CALN1: variants seen among roughly 807,000 people sequenced by gnomAD.
The protein encoded by CALN1 is calneuron 1.
In CALN1, 17 loss-of-function variants were observed where a neutral mutation model predicts 30.6. That is an observed-to-expected ratio of 0.56 (90% CI 0.38 to 0.83). The LOEUF (loss-of-function observed/expected upper bound fraction) is 0.83. Among genes scored for constraint, CALN1 ranks in the 40% least tolerant of loss-of-function variants. CALN1 has a pLI of 0.00. For missense variants in CALN1, 291 were observed against 354.9 expected, an observed-to-expected ratio of 0.82 and a Z score of 1.45; for synonymous variants, 156 against 131.4, an observed-to-expected ratio of 1.19 and a Z score of -1.28.
the CALN1 span, among the ~76,000 whole-genome samples, chr7:72,487,834 AAG>A: frequency 4.5e-5 from 6 of 133,082 alleles, no homozygotes; most frequent in Admixed American, 7.7e-5. Flanking sequence ...AAAAGAAAGA[AAG>A]AGAGAAAGAA....
chr7:72,241,429 G>A (rs1049899644), intron 3 of CALN1, among the ~76,000 whole-genome samples: 2 of 152,014 alleles, frequency 1.3e-5, no homozygotes, highest in Non-Finnish European at 2.9e-5. Flanking sequence ...GGTTCAGACC[G>A]GGTGCAGGGG....
intron 6 of CALN1, among the ~76,000 whole-genome samples, chr7:71,804,503 CTTTAT>C (rs1787491439): frequency 6.6e-6 from 1 of 152,102 alleles, no homozygotes; most frequent in East Asian, 1.9e-4. Context: ...GCAGGACTCT[CTTTAT>C]TTTATTAAAA....
At chr7:72,041,286 TG>T (rs1479953270) in intron 4 of CALN1, among the ~76,000 whole-genome samples, 1 of 152,072 alleles carries the variant, frequency 6.6e-6, no homozygotes, top group Non-Finnish European at 1.5e-5. Flanking sequence ...CCAAGTAGGA[TG>T]AAGACTGAGA....
upstream of CALN1, among the ~76,000 whole-genome samples, chr7:72,450,032 C>A (rs1425236176): frequency 6.6e-6 from 1 of 151,948 alleles, no homozygotes; most frequent in East Asian, 1.9e-4. Flanking sequence ...ATAGCAAGAT[C>A]CCATCTTTAC....
chr7:71,963,668 T>C (rs909177675), intron 5 of CALN1, among the ~76,000 whole-genome samples: 1 of 152,190 alleles, frequency 6.6e-6, no homozygotes, highest in African/African-American at 2.4e-5. Context: ...TCCACTTTTT[T>C]TCCCTTACCC....
chr7:72,231,405 T>C (rs1368010548), intron 3 of CALN1, among the ~76,000 whole-genome samples: 1 of 152,250 alleles, frequency 6.6e-6, no homozygotes, highest in Non-Finnish European at 1.5e-5. Flanking sequence ...GTTACTGCAT[T>C]AGACTGCTGA....
intron 4 of CALN1, among the ~76,000 whole-genome samples, chr7:72,080,599 C>T (rs1293362129): frequency 6.6e-6 from 1 of 152,152 alleles, no homozygotes; most frequent in Non-Finnish European, 1.5e-5. Flanking sequence ...CCCTAGTGTA[C>T]TGTGCCCTGG....
chr7:72,278,851 A>T, intron 2 of CALN1, 41 bp from the exon 3 acceptor site: 1 of 1,582,794 alleles, frequency 6.3e-7, no homozygotes, highest in Non-Finnish European at 8.7e-7. Flanking sequence ...GAAAGACATC[A>T]TCATTCATTC....
intron 4 of CALN1, among the ~76,000 whole-genome samples, chr7:72,025,044 C>T (rs1800966265): frequency 6.6e-6 from 1 of 152,180 alleles, no homozygotes; most frequent in Non-Finnish European, 1.5e-5. Flanking sequence ...GGTGCGGTGG[C>T]TCATGCCTGT....
chr7:71,957,281 G>T (rs902816767), intron 5 of CALN1, among the ~76,000 whole-genome samples: 1 of 151,848 alleles, frequency 6.6e-6, no homozygotes, highest in Non-Finnish European at 1.5e-5. Flanking sequence ...TTAAATTTTT[G>T]GTTAGATCTA....
chr7:72,274,751 C>T (rs2129553735), intron 3 of CALN1, among the ~76,000 whole-genome samples: 3 of 152,194 alleles, frequency 2.0e-5, no homozygotes, highest in South Asian at 4.1e-4. Flanking sequence ...TTTCCTCCTC[C>T]ACCTAGTAAA....
chr7:72,383,591 T>C (rs538124938), intron 2 of CALN1, among the ~76,000 whole-genome samples: 8 of 152,340 alleles, frequency 5.3e-5, no homozygotes, highest in Admixed American at 2.6e-4. Context: ...TCTTCACTTC[T>C]GTCCCCAGCA....
intron 5 of CALN1, among the ~76,000 whole-genome samples, chr7:71,987,969 G>A (rs1584687670): frequency 1.3e-5 from 2 of 152,200 alleles, no homozygotes; most frequent in South Asian, 4.1e-4. Context: ...CTGGAGAGCA[G>A]TGGGGGAAGG....
At chr7:71,799,757 T>C (rs1334125970) in intron 6 of CALN1, among the ~76,000 whole-genome samples, 2 of 152,182 alleles carry the variant, frequency 1.3e-5, no homozygotes, top group Admixed American at 1.3e-4. Context: ...ACTACAGGCA[T>C]GAGCCGCCGC....
At chr7:72,431,808 C>T (rs1249240133) in intron 1 of CALN1, among the ~76,000 whole-genome samples, 1 of 148,734 alleles carries the variant, frequency 6.7e-6, no homozygotes, top group African/African-American at 2.5e-5. Flanking sequence ...TGCTATTACA[C>T]TACTCCAACT....
chr7:72,169,319 T>C lies in CALN1; in HGVS notation c.245-63025A>G, dbSNP rs1028580728. On this transcript the variant is annotated intron_variant, in intron 3 of 6. Transcript: ENST00000395275. ...TATCTTTTTGCTTTGTTAGTTTTTATGGTTTTGTTTTTGGTTTGGAGACAG... is the reference window on the plus strand; with the variant it reads ...TATCTTTTTGCTTTGTTAGTTTTTACGGTTTTGTTTTTGGTTTGGAGACAG... 5.3e-5 allele frequency among the ~76,000 whole-genome samples: 8 copies of C among 152,024 alleles called. 1 individual carries two copies. The highest frequency in any genetic ancestry group is 5.9e-5 in the Non-Finnish European group (4 of 67,986).
rs1031359337 is a variant in CALN1 at position 72,217,832 on chromosome 7, A to T, written c.244+60854T>A. ...CCAACTCTACAAAAAAATTAAATAA[A>T]TTTTTTTTTTTTTTTTTTTTTTTTT... is the stretch of plus-strand genomic sequence containing the variant. On this transcript the variant is annotated intron_variant, in intron 3 of 6. Coordinates refer to ENST00000395275, the MANE Select transcript of CALN1 (RefSeq NM_031468.4). 1.4e-3 allele frequency among the ~76,000 whole-genome samples: 93 copies of T among 67,300 alleles called. 1 individual carries two copies. The highest frequency in any genetic ancestry group is 7.7e-3 in the East Asian group (10 of 1,300). The allele number at this position is 67,300 out of a possible 152,430, so 44.2% of individuals were successfully genotyped here.
chr7:72,364,296 C>T (rs1462373238), intron 2 of CALN1, among the ~76,000 whole-genome samples: 2 of 4,928 alleles, frequency 4.1e-4, no homozygotes, highest in Non-Finnish European at 4.5e-3. Context: ...AATTCTAAAA[C>T]TTGTAAGATT....
chr7:72,500,815 T>C, the CALN1 span, among the ~76,000 whole-genome samples: 1 of 152,178 alleles, frequency 6.6e-6, no homozygotes, highest in Non-Finnish European at 1.5e-5. Flanking sequence ...GTCCAGTTAC[T>C]TCCATTCCAG....
Sources: gnomAD v4.1 joint callset for allele counts (sites outside exome capture counted in the v4.1 genomes callset) on GRCh38, gnomAD v4.1.1 for gene constraint, MANE v1.5 for transcripts, NCBI Gene and HGNC (gene_info 2026-07-23, HGNC 2026-07-21) for gene names.